The following GXYLT2 variants were observed in gnomAD, a reference collection of about 807,000 sequenced individuals.
GXYLT2 encodes the protein glucoside xylosyltransferase 2.
GXYLT2 carries 53 observed loss-of-function variants against 45.8 expected under a neutral mutation model. That is an observed-to-expected ratio of 1.16 (90% CI 0.93 to 1.46). The LOEUF is 1.46. GXYLT2 is among the 40% of genes most tolerant of loss of function. The pLI is 0.00. For missense variants in GXYLT2, 551 were observed against 544.4 expected, an observed-to-expected ratio of 1.01 and a Z score of -0.12; for synonymous variants, 219 against 214.2, an observed-to-expected ratio of 1.02 and a Z score of -0.19.
intron 2 of GXYLT2, among the ~76,000 whole-genome samples, chr3:72,920,489 A>G (rs1205361522): frequency 6.6e-6 from 1 of 152,032 alleles, no homozygotes; most frequent in Non-Finnish European, 1.5e-5. Flanking sequence ...GGCTGGTCTC[A>G]AATTCCTGGG....
At chr3:72,958,243 A>G (rs1026404525) in intron 5 of GXYLT2, among the ~76,000 whole-genome samples, 3 of 150,904 alleles carry the variant, frequency 2.0e-5, no homozygotes, top group African/African-American at 7.3e-5. Flanking sequence ...ACTGCACTCC[A>G]GCCTGGGCAA....
rs540035698 is a variant in GXYLT2 at position 72,911,914 on chromosome 3, ATATATAT to A, written c.468+3363_468+3369del. Among the ~76,000 whole-genome samples, 32 of 149,286 alleles carry A rather than the reference ATATATAT, an allele frequency of 2.1e-4. 1 individual carries two copies. In the East Asian group the frequency reaches 6.2e-3, roughly 29 times the overall value. On this transcript the variant is annotated intron_variant, in intron 2 of 6. Coordinates refer to ENST00000389617, the MANE Select transcript of GXYLT2 (RefSeq NM_001080393.2). Reference sequence around the variant, plus strand: ...TCCCCTCCATGCCTGGCTAATAAAAATATATATTATATATACTTAAATGTATATAATA... The same window carrying A: ...TCCCCTCCATGCCTGGCTAATAAAAATATATATACTTAAATGTATATAATA...
intron 3 of GXYLT2, among the ~76,000 whole-genome samples, chr3:72,934,293 C>T (rs1575799153): frequency 6.6e-6 from 1 of 151,958 alleles, no homozygotes; most frequent in African/African-American, 2.4e-5. Flanking sequence ...GCTGTATTGC[C>T]CTGGCTGGTC....
chr3:72,906,690 A>C (rs1350007320), intron 1 of GXYLT2, among the ~76,000 whole-genome samples: 1 of 152,198 alleles, frequency 6.6e-6, no homozygotes, highest in East Asian at 1.9e-4. Flanking sequence ...GTTAGCAAGG[A>C]AAAGAGGGCA....
chr3:72,900,381 T>G (rs746374283), intron 1 of GXYLT2, among the ~76,000 whole-genome samples: 30 of 152,132 alleles, frequency 2.0e-4, no homozygotes, highest in Non-Finnish European at 4.1e-4. Flanking sequence ...GGGCAACGTT[T>G]TACAAACTTC....
chr3:72,889,353 T>G (rs374820488), intron 1 of GXYLT2, among the ~76,000 whole-genome samples: 15 of 152,196 alleles, frequency 9.9e-5, no homozygotes, highest in African/African-American at 3.6e-4. Flanking sequence ...CTAACTGCCA[T>G]TGCAACGTCC....
chr3:72,931,000 A>C (rs1710022955), intron 3 of GXYLT2, among the ~76,000 whole-genome samples: 1 of 152,110 alleles, frequency 6.6e-6, no homozygotes, highest in African/African-American at 2.4e-5. Context: ...AGGACACTCC[A>C]CCCAACACCA....
chr3:72,903,248 C>T (rs1426437301), intron 1 of GXYLT2, among the ~76,000 whole-genome samples: 1 of 152,158 alleles, frequency 6.6e-6, no homozygotes, highest in African/African-American at 2.4e-5. Flanking sequence ...AGACCATTTC[C>T]ACTTACATAA....
chr3:72,954,998 AG>A, intron 3 of GXYLT2, 99 bp from the exon 4 acceptor site: 1 of 1,190,488 alleles, frequency 8.4e-7, no homozygotes, highest in South Asian at 1.5e-5. Context: ...AAAAGTTGGT[AG>A]CATTATTTAC....
intron 1 of GXYLT2, among the ~76,000 whole-genome samples, chr3:72,902,173 G>T (rs1709421824): frequency 1.3e-5 from 2 of 152,082 alleles, no homozygotes; most frequent in African/African-American, 4.8e-5. Flanking sequence ...GTGGACACAT[G>T]TTTTCAATTC....
At chr3:72,908,781 A>G (rs1709557674) in intron 2 of GXYLT2, among the ~76,000 whole-genome samples, 1 of 152,176 alleles carries the variant, frequency 6.6e-6, no homozygotes, top group Non-Finnish European at 1.5e-5. Flanking sequence ...TCTATTGCCA[A>G]GGGTAGAGTA....
intron 1 of GXYLT2, among the ~76,000 whole-genome samples, chr3:72,888,940 C>T (rs1168711510): frequency 2.0e-5 from 3 of 152,118 alleles, no homozygotes; most frequent in African/African-American, 7.2e-5. Context: ...GACTGGCAGC[C>T]TCTCATTTAA....
chr3:72,909,442 C>T lies in GXYLT2; in HGVS notation c.468+883C>T, dbSNP rs534399100. Among the ~76,000 whole-genome samples the T allele has an allele frequency of 5.3e-5, 8 of 152,054 alleles. 1 individual carries two copies. Among genetic ancestry groups the T allele is most frequent in the African/African-American group, 1.9e-4 (8 of 41,466 alleles). ...AGACATGCATATGTATAATTACATACATATGTATGTATCCTGATTAAATTG... is the reference window on the plus strand; with the variant it reads ...AGACATGCATATGTATAATTACATATATATGTATGTATCCTGATTAAATTG... On this transcript the variant is annotated intron_variant, in intron 2 of 6. Transcript: ENST00000389617.
chr3:72,905,085 A>G (rs1157159719), intron 1 of GXYLT2, among the ~76,000 whole-genome samples: 1 of 147,758 alleles, frequency 6.8e-6, no homozygotes, highest in African/African-American at 2.6e-5. Context: ...AAAAAAAAAA[A>G]AAAGGAAAGA....
intron 3 of GXYLT2, among the ~76,000 whole-genome samples, chr3:72,929,856 C>T (rs1055712191): frequency 1.2e-4 from 18 of 152,102 alleles, no homozygotes; most frequent in Admixed American, 3.3e-4. Context: ...TGAATGGATT[C>T]GACAATCAAA....
Position 72,888,343 on chromosome 3 carries a change from C to T in GXYLT2, c.110C>T (p.Ala37Val), listed in dbSNP as rs1709106144. The change falls in exon 1 of 7, where the codon GCG (alanine) becomes GTG (valine). Residue 37 changes from alanine to valine, a missense_variant. Transcript: ENST00000389617. ...AGRAEPPALP[A>V]RPASAPQRHP... Reference sequence around the variant, plus strand: ...CGCGCTGAGCCCCCAGCGCTGCCCGCGCGCCCCGCGTCCGCCCCGCAGCGC... The same window carrying T: ...CGCGCTGAGCCCCCAGCGCTGCCCGTGCGCCCCGCGTCCGCCCCGCAGCGC... The T allele has an allele frequency of 7.1e-6, 7 of 983,616 alleles. No homozygotes were observed. The highest frequency in any genetic ancestry group is 1.8e-5 in the African/African-American group (1 of 56,618). 60.9% of individuals were successfully genotyped at this position (983,616 alleles called of 1,614,324 possible). A position where few individuals can be genotyped will look rare whatever the true frequency, so the allele number is the denominator to read the frequency against.
chr3:72,896,454 C>T (rs1005438051), intron 1 of GXYLT2, among the ~76,000 whole-genome samples: 1 of 152,068 alleles, frequency 6.6e-6, no homozygotes, highest in Non-Finnish European at 1.5e-5. Context: ...ATTCAAGCAG[C>T]CTTTTCTTGT....
At position 72,975,141 on chromosome 3, in the gene GXYLT2, C is replaced by T; in HGVS notation, c.1314C>T (p.Gly438=). The T allele has an allele frequency of 6.2e-7, 1 of 1,612,634 alleles. No homozygotes were observed. Among genetic ancestry groups the T allele is most frequent in the Non-Finnish European group, 8.5e-7 (1 of 1,179,166 alleles). Residue 438 remains glycine, a synonymous_variant, in exon 7 of 7, where the codon GGC becomes GGT. Coordinates refer to ENST00000389617, the MANE Select transcript of GXYLT2 (RefSeq NM_001080393.2). ...AGAAACACGTCATCATCCATGTTGG[C>T]CCCAACCAGATGCACTGAATATTTT... The part of the protein sequence containing the change: ...AYEKHVIIHV[G]PNQMH
At chr3:72,938,764 G>A (rs146230175) in intron 3 of GXYLT2, among the ~76,000 whole-genome samples, 12 of 152,328 alleles carry the variant, frequency 7.9e-5, no homozygotes, top group Non-Finnish European at 1.2e-4. Context: ...TGTGGAAAAC[G>A]TCCTGCATGC....
Sources: gnomAD v4.1 joint callset for allele counts (sites outside exome capture counted in the v4.1 genomes callset) on GRCh38, gnomAD v4.1.1 for gene constraint, MANE v1.5 for transcripts, NCBI Gene and HGNC (gene_info 2026-07-23, HGNC 2026-07-21) for gene names.